The following OR7A10 variants were observed in gnomAD, a reference collection of about 807,000 sequenced individuals.
OR7A10 encodes olfactory receptor 7A10.
For missense variants in OR7A10, 358 were observed against 370.1 expected (o/e 0.97, Z 0.27); for synonymous variants, 144 against 144.5 (o/e 1.00, Z 0.02).
rs1219388639 is a variant in OR7A10, at chr19:14,841,716, G to A, written c.162C>T (p.His54=). Residue 54 remains histidine (H), a synonymous_variant, in exon 2 of 2, where the codon CAC becomes CAT. Coordinates refer to ENST00000641129, the MANE Select transcript of OR7A10 (RefSeq NM_001005190.2). ...GGAAGAAGTACATGGGGGTGTGGAGGTGGGAGTCTGAGATTGTGGCCAGGA... is the reference window on the plus strand; with the variant it reads ...GGAAGAAGTACATGGGGGTGTGGAGATGGGAGTCTGAGATTGTGGCCAGGA... ...LIILATISDS[H]LHTPMYFFLS... is the part of the protein sequence containing the mutation. The A allele has an allele frequency of 8.1e-6, 13 of 1,614,046 alleles. No homozygotes were observed. The East Asian group carries it at 2.9e-4, about 36-fold the overall frequency.
intron 1 of OR7A10, among the ~76,000 whole-genome samples, chr19:14,845,051 GCACACACACACA>G (rs748918922): frequency 7.3e-6 from 1 of 137,314 alleles, no homozygotes; most frequent in Non-Finnish European, 1.6e-5. Context: ...CCCTAGAGGT[GCACACACACACA>G]CACACAAACA....
chr19:14,844,664 G>GTTTTTTTTTGTTTT (rs1555697162), intron 1 of OR7A10, among the ~76,000 whole-genome samples: 12 of 97,660 alleles, frequency 1.2e-4, no homozygotes, highest in African/African-American at 4.7e-4. Context: ...TGAGTTCTGT[G>GTTTTTTTTTGTTTT]TTTTTTTTTT....
At chr19:14,842,887 T>C (rs1009415455) in intron 1 of OR7A10, among the ~76,000 whole-genome samples, 12 of 152,154 alleles carry the variant, frequency 7.9e-5, no homozygotes, top group Non-Finnish European at 1.8e-4. Flanking sequence ...TACCTAGTAA[T>C]GGGATTGGTA....
At chr19:14,845,684 A>G (rs1262607381) in intron 1 of OR7A10, among the ~76,000 whole-genome samples, 2 of 152,182 alleles carry the variant, frequency 1.3e-5, no homozygotes, top group African/African-American at 4.8e-5. Flanking sequence ...ATACACCTGG[A>G]TACAGCTATA....
Position 14,840,944 on chromosome 19 carries a change from C to T in OR7A10, c.*4G>A, listed in dbSNP as rs760299221. ...TCACAGGCCTTTCTTGAAAAATAGCCTTTCTATTGCTTTCCTCTGAAGAAT... is the reference window on the plus strand; with the variant it reads ...TCACAGGCCTTTCTTGAAAAATAGCTTTTCTATTGCTTTCCTCTGAAGAAT... On this transcript the variant is annotated 3_prime_UTR_variant, in exon 2 of 2. Transcript: ENST00000641129. 7.5e-6 allele frequency: 12 copies of T among 1,590,516 alleles called. No individual in the cohort carries two copies. Among genetic ancestry groups the T allele is most frequent in the Middle Eastern group, 2.0e-4 (1 of 5,090 alleles).
chr19:14,848,228 C>A (rs773302016), intron 1 of OR7A10, among the ~76,000 whole-genome samples: 1 of 152,172 alleles, frequency 6.6e-6, no homozygotes, highest in Non-Finnish European at 1.5e-5. Context: ...TCTGCTTTCA[C>A]TGGAACTACT....
chr19:14,841,751 G>T lies in OR7A10; in HGVS notation c.127C>A (p.Leu43Met). The change falls in exon 2 of 2, where the codon CTG (leucine) becomes ATG (methionine). Residue 43 changes from leucine to methionine, a missense_variant. Coordinates refer to ENST00000641129, the MANE Select transcript of OR7A10 (RefSeq NM_001005190.2). The part of the protein sequence containing the change: ...SMYLVTVLGN[L>M]LIILATISDS... ...GAGATTGTGGCCAGGATGATGAGCA[G>T]GTTCCCGAGCACAGTGACCAGGTAC... The T allele has an allele frequency of 6.2e-7, 1 of 1,614,082 alleles. No individual in the cohort carries two copies.
chr19:14,846,390 G>A (rs2044942738), intron 1 of OR7A10, among the ~76,000 whole-genome samples: 1 of 152,042 alleles, frequency 6.6e-6, no homozygotes, highest in Admixed American at 6.5e-5. Context: ...ATTAGGTTAA[G>A]CACAGTGGTT....
chr19:14,841,254 A>T lies in OR7A10; in HGVS notation c.624T>A (p.Gly208=), dbSNP rs201248248. 1.6e-3 allele frequency: 2,651 copies of T among 1,614,238 alleles called. 55 individuals carry two copies. In the South Asian group the frequency reaches 0.028, roughly 17 times the overall value. ...AGTACAGGATCCCAGTGAGGGGACC[A>T]CCGCCCAGCAGCGCTACTGCAAAAT... is the stretch of plus-strand genomic sequence containing the variant. The part of the protein sequence containing the change: ...VMYFAVALLG[G]GPLTGILYSY... The change falls in exon 2 of 2, where the codon GGT becomes GGA. Residue 208 remains glycine (G), a synonymous_variant. Coordinates refer to ENST00000641129, the MANE Select transcript of OR7A10 (RefSeq NM_001005190.2).
At chr19:14,846,217 A>G (rs1267768345) in intron 1 of OR7A10, among the ~76,000 whole-genome samples, 1 of 152,208 alleles carries the variant, frequency 6.6e-6, no homozygotes, top group Non-Finnish European at 1.5e-5. Context: ...GGAGAAGACA[A>G]GCTAAAAACA....
Position 14,841,707 on chromosome 19 carries a change from G to T in OR7A10, c.171C>A (p.Thr57=). The change falls in exon 2 of 2, where the codon ACC becomes ACA. Residue 57 remains threonine (T), a synonymous_variant. Coordinates refer to ENST00000641129, the MANE Select transcript of OR7A10 (RefSeq NM_001005190.2). ...GGTTGGAGAGGAAGAAGTACATGGG[G>T]GTGTGGAGGTGGGAGTCTGAGATTG... is the stretch of plus-strand genomic sequence containing the variant. ...LATISDSHLH[T]PMYFFLSNLS... 1 of 1,614,140 alleles carries T rather than the reference G, an allele frequency of 6.2e-7. No homozygotes were observed. The highest frequency in any genetic ancestry group is 8.5e-7 in the Non-Finnish European group (1 of 1,180,038).
chr19:14,840,846 A>C lies in OR7A10; in HGVS notation c.*102T>G. On this transcript the variant is annotated 3_prime_UTR_variant, in exon 2 of 2. Transcript: ENST00000641129. ...AGTTTAAACTCCAGGAAATAAATGG[A>C]AGGGGCAAGTCTTCCTTCCACCATC... The C allele has an allele frequency of 1.3e-6, 1 of 775,980 alleles. No individual in the cohort carries two copies. The highest frequency in any genetic ancestry group is 2.1e-6 in the Non-Finnish European group (1 of 481,960). The allele number at this position is 775,980 out of a possible 1,614,324, so 48.1% of individuals were successfully genotyped here.
intron 1 of OR7A10, among the ~76,000 whole-genome samples, chr19:14,844,664 G>GTTTTTGTTTTTTTTT (rs2044931614): frequency 1.0e-5 from 1 of 97,660 alleles, no homozygotes; most frequent in Non-Finnish European, 2.0e-5. Context: ...TGAGTTCTGT[G>GTTTTTGTTTTTTTTT]TTTTTTTTTT....
intron 1 of OR7A10, among the ~76,000 whole-genome samples, chr19:14,848,128 A>C (rs1254053032): frequency 6.6e-6 from 1 of 151,648 alleles, no homozygotes; most frequent in Non-Finnish European, 1.5e-5. Flanking sequence ...GTCTAAAAAA[A>C]AAAAAATGCC....
rs751885630 is a variant in OR7A10, at chr19:14,841,293, A to G, written c.585T>C (p.Asn195=). 1 of 1,614,234 alleles carries G rather than the reference A, an allele frequency of 6.2e-7. No homozygotes were observed. The highest frequency in any genetic ancestry group is 2.2e-5 in the East Asian group (1 of 44,892). The stretch of plus-strand genomic sequence containing the variant: ...CTACTGCAAAATACATCACTATGTC[A>G]TTAAGAAAGGTGTCAGAACAGGCAA... The part of the protein sequence containing the change: ...VHLACSDTFL[N]DIVMYFAVAL... Residue 195 remains asparagine (N), a synonymous_variant, in exon 2 of 2, where the codon AAT becomes AAC. Coordinates refer to ENST00000641129, the MANE Select transcript of OR7A10 (RefSeq NM_001005190.2).
At position 14,841,894 on chromosome 19, in the gene OR7A10, C is replaced by CAGAGAGAGAGAGAGAGAGAG. The variant is rs141373725; in HGVS notation, c.-12-25_-12-6dup. ...TGATTTCATCTTGTGATGTGACTAC[C>CAGAGAGAGAGAGAGAGAGAG]AGAGAGAGAGAGAGAGAGAGAGAGA... is the stretch of plus-strand genomic sequence containing the variant. On this transcript the variant is annotated splice_polypyrimidine_tract_variant and splice_region_variant and intron_variant, in intron 1 of 1. Coordinates refer to ENST00000641129, the MANE Select transcript of OR7A10 (RefSeq NM_001005190.2). The CAGAGAGAGAGAGAGAGAGAG allele has an allele frequency of 5.4e-6, 7 of 1,295,916 alleles. No homozygotes were observed. In the African/African-American group the frequency reaches 6.3e-5, roughly 12 times the overall value. 80.3% of individuals were successfully genotyped at this position (1,295,916 alleles called of 1,614,324 possible). A position where few individuals can be genotyped will look rare whatever the true frequency, so the allele number is the denominator to read the frequency against.
chr19:14,846,369 G>A (rs1331512356), intron 1 of OR7A10, among the ~76,000 whole-genome samples: 1 of 152,100 alleles, frequency 6.6e-6, no homozygotes, highest in East Asian at 1.9e-4. Flanking sequence ...AGGAATGACA[G>A]TTAAAATGCA....
chr19:14,844,689 G>C (rs1237831337), intron 1 of OR7A10, among the ~76,000 whole-genome samples: 1 of 57,626 alleles, frequency 1.7e-5, no homozygotes, highest in Non-Finnish European at 3.5e-5. Flanking sequence ...TTGAGATGGA[G>C]TCTCACTCTG....
Position 14,841,340 on chromosome 19 carries a change from CA to C in OR7A10, c.537del (p.Cys179TrpfsTer19). ...CTHMEIPHFFCEINQVVHLAC... is the reference protein window; with the variant it reads ...CTHMEIPHFFXEINQVVHLAC... Reference sequence around the variant, plus strand: ...GCAAGGTGGACCACCTGATTAATTTCACAGAAAAAATGAGGGATTTCCATGT... The same window carrying C: ...GCAAGGTGGACCACCTGATTAATTTCCAGAAAAAATGAGGGATTTCCATGT... On this transcript the variant is annotated frameshift_variant, in exon 2 of 2. Coordinates refer to ENST00000641129, the MANE Select transcript of OR7A10 (RefSeq NM_001005190.2). LOFTEE classifies it low-confidence loss of function (END_TRUNC). 6.2e-7 allele frequency: 1 copy of C among 1,614,046 alleles called. No homozygotes were observed. Among genetic ancestry groups the C allele is most frequent in the Non-Finnish European group, 8.5e-7 (1 of 1,180,034 alleles).
Sources: allele counts gnomAD v4.1 joint callset (sites outside exome capture counted in the v4.1 genomes callset), GRCh38; gene constraint gnomAD v4.1.1; transcripts MANE v1.5; gene names NCBI Gene and HGNC (gene_info 2026-07-23, HGNC 2026-07-21).